Variants in COMMD10 observed in about 807,000 individuals in gnomAD.
COMMD10 encodes COMM domain containing 10.
A neutral mutation model predicts 28.9 loss-of-function variants in COMMD10; 33 were observed. The observed-to-expected ratio is 1.14, with a 90% CI of 0.87 to 1.53. The LOEUF (loss-of-function observed/expected upper bound fraction) is 1.53. Among genes scored for constraint, COMMD10 ranks in the 40% most tolerant of loss-of-function variants. The pLI, the probability that COMMD10 is intolerant of heterozygous loss-of-function variation, is 0.00. For synonymous variants in COMMD10, 110 were observed against 81.7 expected (o/e 1.35, Z -1.87); for missense variants, 310 against 233.4 (o/e 1.33, Z -2.14).
intron 5 of COMMD10, among the ~76,000 whole-genome samples, chr5:116,235,945 C>G (rs530369717): frequency 6.6e-6 from 1 of 152,266 alleles, no homozygotes; most frequent in South Asian, 2.1e-4. Flanking sequence ...GATTTTCTTT[C>G]TATAGCATAC....
At chr5:116,223,305 G>A (rs1749312244) in intron 5 of COMMD10, among the ~76,000 whole-genome samples, 1 of 151,688 alleles carries the variant, frequency 6.6e-6, no homozygotes, top group Admixed American at 6.6e-5. Context: ...TATAAGATAA[G>A]TTAAATGTAT....
intron 5 of COMMD10, among the ~76,000 whole-genome samples, chr5:116,205,884 T>G (rs753895262): frequency 6.6e-5 from 10 of 152,200 alleles, no homozygotes; most frequent in African/African-American, 9.6e-5. Flanking sequence ...ATATTTGCTT[T>G]ACATTATTCT....
intron 5 of COMMD10, among the ~76,000 whole-genome samples, chr5:116,272,621 A>T (rs576492503): frequency 6.6e-6 from 1 of 151,954 alleles, no homozygotes; most frequent in South Asian, 2.1e-4. Context: ...CTTCAGGATC[A>T]TACTGGTAAT....
At position 116,273,860 on chromosome 5, in the gene COMMD10, A is replaced by T. The variant is rs183107229; in HGVS notation, c.511-17657A>T. Among the ~76,000 whole-genome samples the T allele has an allele frequency of 5.0e-3, 759 of 151,894 alleles. 6 individuals carry two copies. Among genetic ancestry groups the T allele is most frequent in the Non-Finnish European group, 6.7e-3 (458 of 68,010 alleles). On this transcript the variant is annotated intron_variant, in intron 5 of 6. Coordinates refer to ENST00000274458, the MANE Select transcript of COMMD10 (RefSeq NM_016144.4). ...ACTAAAGTCATCATTCAAAAAAGGC[A>T]TTTATTATTAATAAACTACAGAAAA... is the stretch of plus-strand genomic sequence containing the variant.
At chr5:116,288,295 TCTG>T (rs754218206) in intron 5 of COMMD10, among the ~76,000 whole-genome samples, 2 of 152,002 alleles carry the variant, frequency 1.3e-5, no homozygotes, top group Non-Finnish European at 2.9e-5. Flanking sequence ...CTTCAAAGTT[TCTG>T]CTGAGAAATT....
chr5:116,159,852 A>T (rs771039923), intron 5 of COMMD10, among the ~76,000 whole-genome samples: 46 of 152,216 alleles, frequency 3.0e-4, no homozygotes, highest in Non-Finnish European at 6.0e-4. Context: ...ATTAAGATTG[A>T]AACTTAAATG....
At chr5:116,184,305 A>T (rs4608961) in intron 5 of COMMD10, among the ~76,000 whole-genome samples, 1 of 120,370 alleles carries the variant, frequency 8.3e-6, no homozygotes, top group African/African-American at 2.6e-5. Context: ...TCTTAACTAT[A>T]TATCTGACCT....
At chr5:116,097,133 AAATT>A (rs1387885515) in intron 4 of COMMD10, among the ~76,000 whole-genome samples, 3 of 152,196 alleles carry the variant, frequency 2.0e-5, no homozygotes, top group Non-Finnish European at 2.9e-5. Flanking sequence ...TCTCTTTAAG[AAATT>A]AATTAATCAT....
At chr5:116,237,466 G>A (rs1288613618) in intron 5 of COMMD10, among the ~76,000 whole-genome samples, 1 of 120,914 alleles carries the variant, frequency 8.3e-6, no homozygotes, top group Non-Finnish European at 1.7e-5. Flanking sequence ...TCATAAACTT[G>A]AAAAAAAATA....
intron 5 of COMMD10, chr5:116,217,914 CAAA>C (rs879104498): frequency 5.8e-6 from 3 of 516,430 alleles, no homozygotes; most frequent in African/African-American, 4.1e-5. Context: ...CAGCATAGCT[CAAA>C]AAAAAAAAGT....
chr5:116,105,894 C>A (rs763530906), intron 4 of COMMD10, among the ~76,000 whole-genome samples: 2 of 150,894 alleles, frequency 1.3e-5, no homozygotes, highest in Non-Finnish European at 2.9e-5. Flanking sequence ...TTTTGTTGAG[C>A]TTTTCAAAAA....
intron 4 of COMMD10, among the ~76,000 whole-genome samples, chr5:116,111,290 A>G (rs1209108450): frequency 6.6e-6 from 1 of 151,440 alleles, no homozygotes; most frequent in East Asian, 1.9e-4. Context: ...GATCCATGTT[A>G]CTTCTTTACT....
rs563013685 is a variant in COMMD10, at chr5:116,229,974, A to C, written c.511-61543A>C. On this transcript the variant is annotated intron_variant, in intron 5 of 6. Coordinates refer to ENST00000274458, the MANE Select transcript of COMMD10 (RefSeq NM_016144.4). ...TTCATACCTGAGCCCCCCCAAAAAA[A>C]AATCAAGACTAGCTTACTCCCTGTT... Among the ~76,000 whole-genome samples the C allele has an allele frequency of 3.9e-5, 6 of 152,048 alleles. No homozygotes were observed. The East Asian group carries it at 7.7e-4, about 20-fold the overall frequency.
chr5:116,277,787 A>G (rs771805277), intron 5 of COMMD10, among the ~76,000 whole-genome samples: 7 of 151,916 alleles, frequency 4.6e-5, no homozygotes, highest in African/African-American at 1.2e-4. Flanking sequence ...ACAGCACAAG[A>G]TAGAGAAAAA....
chr5:116,218,262 CT>C, intron 5 of COMMD10: 1 of 740,490 alleles, frequency 1.4e-6, no homozygotes. Flanking sequence ...GCTTTATCTC[CT>C]TTAGCATCCC....
intron 5 of COMMD10, among the ~76,000 whole-genome samples, chr5:116,239,516 TA>T (rs1279277704): frequency 6.6e-6 from 1 of 152,184 alleles, no homozygotes; most frequent in Non-Finnish European, 1.5e-5. Flanking sequence ...CAGTACATTT[TA>T]AAAGTCAGGA....
intron 4 of COMMD10, among the ~76,000 whole-genome samples, chr5:116,131,018 A>G (rs529108832): frequency 2.0e-5 from 3 of 152,138 alleles, no homozygotes; most frequent in Non-Finnish European, 2.9e-5. Context: ...ACTCATGGCA[A>G]TATTACAAAT....
chr5:116,160,298 A>G (rs904648188), intron 5 of COMMD10, among the ~76,000 whole-genome samples: 9 of 152,192 alleles, frequency 5.9e-5, no homozygotes, highest in African/African-American at 2.2e-4. Context: ...TAAAAAATAT[A>G]AATTTACTCT....
At chr5:116,248,414 A>ATTGT (rs1421210473) in intron 5 of COMMD10, among the ~76,000 whole-genome samples, 3 of 152,054 alleles carry the variant, frequency 2.0e-5, no homozygotes, top group Non-Finnish European at 2.9e-5. Context: ...GTTTGACAGA[A>ATTGT]AAAGAATTAA....
Sources: allele counts gnomAD v4.1 joint callset (sites outside exome capture counted in the v4.1 genomes callset), GRCh38; gene constraint gnomAD v4.1.1; transcripts MANE v1.5; gene names NCBI Gene and HGNC (gene_info 2026-07-23, HGNC 2026-07-21).